DPH6: variants seen among roughly 807,000 people sequenced by gnomAD.
The protein encoded by DPH6 is diphthine--ammonia ligase.
Under a neutral mutation model 38.2 loss-of-function variants are expected in DPH6, and 33 were observed. The observed-to-expected ratio is 0.86, with a 90% CI of 0.65 to 1.15. The LOEUF (loss-of-function observed/expected upper bound fraction) is 1.15, where lower values mean the gene tolerates loss of function less well. Ranked by LOEUF, DPH6 falls within the 50% of genes most tolerant of loss-of-function variation. The probability of loss-of-function intolerance (pLI) is 0.00; values close to 1 mark genes in which losing one functional copy is unlikely to be tolerated. For missense variants in DPH6, 325 were observed against 320.0 expected (o/e 1.02, Z -0.12); for synonymous variants, 108 against 103.0 (o/e 1.05, Z -0.30).
chr15:35,218,651 C>T (rs2051424118), exon 4 of DPH6: 1 of 152,148 alleles, frequency 6.6e-6, no homozygotes, highest in Middle Eastern at 3.2e-3. Context: ...TGATAATCCT[C>T]TCTTCTTTGG....
At position 35,372,117 on chromosome 15, in the gene DPH6, G is replaced by T; in HGVS notation, c.*33C>A. 1 of 1,496,474 alleles carries T rather than the reference G, an allele frequency of 6.7e-7. No individual in the cohort carries two copies. Among genetic ancestry groups the T allele is most frequent in the Non-Finnish European group, 8.9e-7 (1 of 1,126,054 alleles). The allele number at this position is 1,496,474 out of a possible 1,614,324, so 92.7% of individuals were successfully genotyped here. A position where few individuals can be genotyped will look rare whatever the true frequency, so the allele number is the denominator to read the frequency against. On this transcript the variant is annotated 3_prime_UTR_variant, in exon 9 of 9. Transcript: ENST00000256538. Reference sequence around the variant, plus strand: ...CTATGCAATTTTTTTGTATAGAAATGGTGGTTTAATGAACAATGTTCCAAA... The same window carrying T: ...CTATGCAATTTTTTTGTATAGAAATTGTGGTTTAATGAACAATGTTCCAAA...
At chr15:35,340,801 C>T (rs1043391064) in intron 3 of DPH6, among the ~76,000 whole-genome samples, 4 of 152,022 alleles carry the variant, frequency 2.6e-5, no homozygotes, top group Non-Finnish European at 4.4e-5. Flanking sequence ...TCTCTGGCTG[C>T]CCTTGACATT....
chr15:35,304,395 A>G (rs2052074158), intron 3 of DPH6, among the ~76,000 whole-genome samples: 1 of 152,148 alleles, frequency 6.6e-6, no homozygotes, highest in African/African-American at 2.4e-5. Flanking sequence ...CTGATGGAAC[A>G]TCCTTCAACA....
intron 3 of DPH6, among the ~76,000 whole-genome samples, chr15:35,355,891 T>G (rs1317770467): frequency 2.0e-5 from 3 of 152,198 alleles, no homozygotes; most frequent in Non-Finnish European, 4.4e-5. Flanking sequence ...TCCAACTTGG[T>G]TCCATTCTCC....
intron 3 of DPH6, among the ~76,000 whole-genome samples, chr15:35,496,567 A>AAATATATATAT: frequency 3.2e-5 from 1 of 31,014 alleles, no homozygotes; most frequent in African/African-American, 1.4e-4. Flanking sequence ...AAAAAAAAAA[A>AAATATATATAT]ATATATATAT....
the DPH6 span, among the ~76,000 whole-genome samples, chr15:35,163,860 G>C: frequency 6.6e-6 from 1 of 151,756 alleles, no homozygotes; most frequent in Non-Finnish European, 1.5e-5. Context: ...AGCTCAGTGG[G>C]AACATAAACT....
intron 3 of DPH6, among the ~76,000 whole-genome samples, chr15:35,362,037 GA>G (rs1035613925): frequency 6.6e-6 from 1 of 151,850 alleles, no homozygotes; most frequent in African/African-American, 2.4e-5. Context: ...TTTTGCATTT[GA>G]AAAAGCAAAT....
intron 3 of DPH6, among the ~76,000 whole-genome samples, chr15:35,506,474 T>C (rs2054696154): frequency 6.6e-6 from 1 of 152,160 alleles, no homozygotes; most frequent in Non-Finnish European, 1.5e-5. Flanking sequence ...AGCATTTAAG[T>C]GGACTACATT....
At chr15:35,382,469 A>T (rs1031705898) in intron 6 of DPH6, among the ~76,000 whole-genome samples, 66 of 152,200 alleles carry the variant, frequency 4.3e-4, no homozygotes, top group Admixed American at 2.2e-3. Context: ...ACACACACAC[A>T]CACAAAATTA....
chr15:35,507,508 G>T (rs2054710313), intron 3 of DPH6, among the ~76,000 whole-genome samples: 1 of 151,914 alleles, frequency 6.6e-6, no homozygotes, highest in South Asian at 2.1e-4. Flanking sequence ...CAGTGTATGT[G>T]AATATTTCCA....
chr15:35,397,391 A>C (rs573131229), intron 6 of DPH6, among the ~76,000 whole-genome samples: 1 of 152,334 alleles, frequency 6.6e-6, no homozygotes, highest in African/African-American at 2.4e-5. Context: ...AGAAATCTCA[A>C]AGAATAACTG....
chr15:35,347,569 A>G (rs1468112693), intron 3 of DPH6, among the ~76,000 whole-genome samples: 1 of 101,872 alleles, frequency 9.8e-6, no homozygotes, highest in Non-Finnish European at 2.0e-5. Flanking sequence ...CATCTTGGCT[A>G]TTGTGAAAAA....
chr15:35,339,807 T>A (rs2052406360), intron 3 of DPH6, among the ~76,000 whole-genome samples: 2 of 152,294 alleles, frequency 1.3e-5, no homozygotes, highest in South Asian at 4.1e-4. Context: ...CTTCCGATTA[T>A]GTGATCAACT....
At chr15:35,386,146 C>T (rs1366390514) in intron 6 of DPH6, among the ~76,000 whole-genome samples, 5 of 152,086 alleles carry the variant, frequency 3.3e-5, no homozygotes, top group African/African-American at 9.7e-5. Context: ...TGGTTTCCAG[C>T]TTCATCCATG....
intron 5 of DPH6, among the ~76,000 whole-genome samples, chr15:35,425,829 A>C (rs934109726): frequency 1.0e-4 from 15 of 143,804 alleles, no homozygotes; most frequent in South Asian, 2.2e-4. Flanking sequence ...ATATATATAT[A>C]TCTCATATAT....
At chr15:35,365,103 C>G (rs1595502455) in intron 3 of DPH6, among the ~76,000 whole-genome samples, 2 of 151,978 alleles carry the variant, frequency 1.3e-5, no homozygotes, top group African/African-American at 4.8e-5. Flanking sequence ...CAACTCACAA[C>G]TAACATCTGC....
the DPH6 span, among the ~76,000 whole-genome samples, chr15:35,172,101 C>A: frequency 6.6e-6 from 1 of 152,080 alleles, no homozygotes; most frequent in Non-Finnish European, 1.5e-5. Context: ...CTCCTGACCT[C>A]GTGATCCACC....
intron 3 of DPH6, among the ~76,000 whole-genome samples, chr15:35,260,297 A>G (rs772720903): frequency 2.6e-5 from 4 of 151,876 alleles, no homozygotes; most frequent in Non-Finnish European, 5.9e-5. Context: ...TAGTAGAGAC[A>G]GGGTTTCACC....
At chr15:35,305,381 C>CATAG (rs1555392133) in intron 3 of DPH6, among the ~76,000 whole-genome samples, 1 of 151,850 alleles carries the variant, frequency 6.6e-6, no homozygotes, top group Non-Finnish European at 1.5e-5. Context: ...ACCACATACT[C>CATAG]ACACTGTGAA....
Sources: allele counts gnomAD v4.1 joint callset (sites outside exome capture counted in the v4.1 genomes callset), GRCh38; gene constraint gnomAD v4.1.1; transcripts MANE v1.5; gene names NCBI Gene and HGNC (gene_info 2026-07-23, HGNC 2026-07-21).